The following RASA3 variants were observed in gnomAD, a reference collection of about 807,000 sequenced individuals.
The protein encoded by RASA3 is RAS p21 protein activator 3.
Under a neutral mutation model 110.0 loss-of-function variants are expected in RASA3, and 73 were observed. That is an observed-to-expected ratio of 0.66 (90% CI 0.55 to 0.81). The LOEUF (loss-of-function observed/expected upper bound fraction) is 0.81. Among genes scored for constraint, RASA3 ranks in the 30% least tolerant of loss-of-function variants. RASA3 has a pLI of 0.00. For missense variants in RASA3, 976 were observed against 1,113.2 expected (o/e 0.88, Z 1.75); for synonymous variants, 500 against 451.4 (o/e 1.11, Z -1.37).
At chr13:114,068,566 G>A (rs1481490645) in intron 2 of RASA3, among the ~76,000 whole-genome samples, 4 of 152,230 alleles carry the variant, frequency 2.6e-5, no homozygotes, top group African/African-American at 9.6e-5. Flanking sequence ...CTGCAGCGCA[G>A]CCTTGGGGAG....
chr13:114,014,409 C>T lies in RASA3; in HGVS notation c.1405+800G>A, dbSNP rs530057101. Among the ~76,000 whole-genome samples the T allele has an allele frequency of 5.3e-5, 8 of 152,302 alleles. No individual in the cohort carries two copies. The highest frequency in any genetic ancestry group is 1.7e-4 in the African/African-American group (7 of 41,566). ...TCCTGAGAATCAGGGGTGGGGACAGCGTTTGTCTCCTGGGGACACAGAAGC... is the reference window on the plus strand; with the variant it reads ...TCCTGAGAATCAGGGGTGGGGACAGTGTTTGTCTCCTGGGGACACAGAAGC... On this transcript the variant is annotated intron_variant, in intron 14 of 23. Transcript: ENST00000334062. The surrounding 1 kb of genome is among the most constrained non-coding windows in gnomAD (Gnocchi z 4.5).
rs1445189487 is a variant in RASA3 at position 114,057,436 on chromosome 13, A to G, written c.174-5281T>C. On this transcript the variant is annotated intron_variant, in intron 2 of 23. Transcript: ENST00000334062. The surrounding 1 kb of genome is among the most constrained non-coding windows in gnomAD (Gnocchi z 5.0). The stretch of plus-strand genomic sequence containing the variant: ...TACAGGCCTTGCACTCATTTTAATG[A>G]AGGCTCTGCAGGATTTCAAGGAAAG... 1 of 985,318 alleles carries G rather than the reference A, an allele frequency of 1.0e-6. No individual in the cohort carries two copies. The highest frequency in any genetic ancestry group is 1.1e-4 in the East Asian group (1 of 8,816). The allele number at this position is 985,318 out of a possible 1,614,324, so 61.0% of individuals were successfully genotyped here. A position where few individuals can be genotyped will look rare whatever the true frequency, so the allele number is the denominator to read the frequency against.
rs557716833 is a variant in RASA3 at position 114,011,638 on chromosome 13, G to A, written c.1513-390C>T. On this transcript the variant is annotated intron_variant, in intron 15 of 23. Transcript: ENST00000334062. The surrounding 1 kb of genome is among the most constrained non-coding windows in gnomAD (Gnocchi z 4.8). Reference sequence around the variant, plus strand: ...TTTGAAGGTTCAACTCAGAAGTGCTGGGGGCCGGGCTTGGTGGCTCACGCC... The same window carrying A: ...TTTGAAGGTTCAACTCAGAAGTGCTAGGGGCCGGGCTTGGTGGCTCACGCC... Among the ~76,000 whole-genome samples, 1 of 152,258 alleles carries A rather than the reference G, an allele frequency of 6.6e-6. No homozygotes were observed. The highest frequency in any genetic ancestry group is 2.4e-5 in the African/African-American group (1 of 41,544).
chr13:114,121,321 C>T (rs2080373660), intron 1 of RASA3, among the ~76,000 whole-genome samples: 2 of 152,210 alleles, frequency 1.3e-5, no homozygotes, highest in African/African-American at 4.8e-5. Flanking sequence ...GTGTCCCCAG[C>T]CTCAGCCATG....
chr13:113,982,422 G>A (rs1387646008), intron 22 of RASA3, among the ~76,000 whole-genome samples: 1 of 152,228 alleles, frequency 6.6e-6, no homozygotes, highest in Non-Finnish European at 1.5e-5. Flanking sequence ...AAAGACCACT[G>A]CCCCGGACCC....
chr13:114,077,061 GAAAA>G (rs2079696851), intron 1 of RASA3, among the ~76,000 whole-genome samples: 1 of 152,118 alleles, frequency 6.6e-6, no homozygotes, highest in Admixed American at 6.5e-5. Flanking sequence ...AAAGGAGAGA[GAAAA>G]AAGCTTTTGA....
At chr13:114,107,372 G>T (rs2080148832) in intron 1 of RASA3, among the ~76,000 whole-genome samples, 1 of 152,154 alleles carries the variant, frequency 6.6e-6, no homozygotes, top group Non-Finnish European at 1.5e-5. Context: ...TGTGTGTCCT[G>T]CCTTCGTGCA....
intron 3 of RASA3, among the ~76,000 whole-genome samples, chr13:114,043,837 G>GCCCCCCCGCCCCGCCT (rs544129523): frequency 0.052 from 1,187 of 22,736 alleles, 88 homozygotes; most frequent in Middle Eastern, 0.071. Context: ...CACTCGCTGA[G>GCCCCCCCGCCCCGCCT]CCCCCCGCCC....
chr13:114,114,744 C>G lies in RASA3; in HGVS notation c.55+17691G>C, dbSNP rs1413088780. On this transcript the variant is annotated intron_variant, in intron 1 of 23. Transcript: ENST00000334062. The surrounding 1 kb of genome is among the most constrained non-coding windows in gnomAD (Gnocchi z 4.8). ...CAGGGTTTCAGTGTAAACCCGAGGG[C>G]AGGTTAAACACGCTCCCTCCAAAGC... is the stretch of plus-strand genomic sequence containing the variant. Among the ~76,000 whole-genome samples, 1 of 152,202 alleles carries G rather than the reference C, an allele frequency of 6.6e-6. No individual in the cohort carries two copies. The highest frequency in any genetic ancestry group is 1.5e-5 in the Non-Finnish European group (1 of 68,044).
At chr13:114,079,072 AGTGAAGAGGGCGG>A (rs1254590398) in intron 1 of RASA3, among the ~76,000 whole-genome samples, 1 of 152,238 alleles carries the variant, frequency 6.6e-6, no homozygotes, top group Non-Finnish European at 1.5e-5. Flanking sequence ...CTCAGCGCCC[AGTGAAGAGGGCGG>A]AGGAAGGAAT....
At chr13:114,052,018 G>C in intron 3 of RASA3, 34 bp downstream of exon 3, 1 of 1,502,516 alleles carries the variant, frequency 6.7e-7, no homozygotes, top group Non-Finnish European at 9.3e-7. Context: ...AGAACAGGCA[G>C]AAAAGGGGAA....
chr13:114,101,642 G>A (rs1414215987), intron 1 of RASA3, among the ~76,000 whole-genome samples: 1 of 152,250 alleles, frequency 6.6e-6, no homozygotes, highest in Admixed American at 6.5e-5. Context: ...TGGTAAAACA[G>A]TGAAGCCAGC....
intron 13 of RASA3, 133 bp from the exon 14 acceptor site, chr13:114,015,465 CGT>C: frequency 1.8e-6 from 2 of 1,092,062 alleles, no homozygotes; most frequent in Non-Finnish European, 2.6e-6. Context: ...CAGTGAGACA[CGT>C]GTGAACAGCC....
chr13:114,104,841 C>T (rs567725919), intron 1 of RASA3, among the ~76,000 whole-genome samples: 1 of 151,174 alleles, frequency 6.6e-6, no homozygotes, highest in South Asian at 2.1e-4. Flanking sequence ...GCTCACCCCT[C>T]CCTCCCCACA....
intron 17 of RASA3, among the ~76,000 whole-genome samples, chr13:114,007,941 G>C (rs1594310419): frequency 1.6e-5 from 2 of 121,808 alleles, no homozygotes; most frequent in Admixed American, 7.8e-5. Flanking sequence ...ACTGTGGGGA[G>C]GAGCAGAGCC....
intron 23 of RASA3, among the ~76,000 whole-genome samples, chr13:113,980,930 G>T (rs181741470): frequency 1.3e-5 from 2 of 152,320 alleles, no homozygotes; most frequent in African/African-American, 4.8e-5. Flanking sequence ...GGAGTGAGCA[G>T]GAGGATGGAA....
In RASA3 at chr13:114,099,321, C is replaced by A. The variant is rs575324119; in HGVS notation, c.56-25484G>T. ...GAGCCGGGGACGAAGCTCCTCCCTGCATGGGGACACGCGGGGCTGCAGCCA... is the reference window on the plus strand; with the variant it reads ...GAGCCGGGGACGAAGCTCCTCCCTGAATGGGGACACGCGGGGCTGCAGCCA... On this transcript the variant is annotated intron_variant, in intron 1 of 23. Coordinates refer to ENST00000334062, the MANE Select transcript of RASA3 (RefSeq NM_007368.4). Among the ~76,000 whole-genome samples, 7 of 152,156 alleles carry A rather than the reference C, an allele frequency of 4.6e-5. No homozygotes were observed. In the South Asian group the frequency reaches 1.5e-3, roughly 32 times the overall value.
intron 4 of RASA3, among the ~76,000 whole-genome samples, chr13:114,030,454 G>GCAGAGAGCAAGA (rs1566501694): frequency 8.0e-5 from 9 of 112,608 alleles, no homozygotes; most frequent in African/African-American, 3.2e-4. Context: ...AGAGGGCAAG[G>GCAGAGAGCAAGA]CTCACACAGA....
At chr13:113,981,608 C>T in intron 23 of RASA3, 67 bp downstream of exon 23, 1 of 1,548,606 alleles carries the variant, frequency 6.5e-7, no homozygotes, top group East Asian at 2.3e-5. Flanking sequence ...CCCTGCAGCC[C>T]CACCCCCACT....
Sources: allele counts gnomAD v4.1 joint callset (sites outside exome capture counted in the v4.1 genomes callset), GRCh38; gene constraint gnomAD v4.1.1; non-coding constraint Gnocchi (gnomAD v3.1); transcripts MANE v1.5; gene names NCBI Gene and HGNC (gene_info 2026-07-23, HGNC 2026-07-21).